Variants in STAG2 observed in about 807,000 individuals in gnomAD.
STAG2 encodes the protein cohesin subunit SA-2.
A neutral mutation model predicts 108.1 loss-of-function variants in STAG2; 14 were observed. That is an observed-to-expected ratio of 0.13 (90% CI 0.09 to 0.20). The LOEUF (loss-of-function observed/expected upper bound fraction) is 0.20. Ranked by LOEUF, STAG2 falls within the 10% of genes least tolerant of loss-of-function variation. STAG2 has a pLI of 1.00. For missense variants in STAG2, 440 were observed against 940.9 expected (o/e 0.47, Z 6.96); for synonymous variants, 307 against 302.7 (o/e 1.01, Z -0.15).
rs1182214513 is a variant in STAG2, at chrX:123,966,721, C to CT, written c.-163+4866dup. ...TGTAAGTGGTGTTGCTTAGTGGAGT[C>CT]TAATTTTTGTTGATGTGCCTTTTAA... On this transcript the variant is annotated intron_variant, in intron 1 of 34. Transcript: ENST00000371145. Among the ~76,000 whole-genome samples the CT allele has an allele frequency of 3.6e-5, 4 of 111,395 alleles. No homozygotes were observed. The South Asian group carries it at 1.5e-3, about 41-fold the overall frequency.
intron 34 of STAG2, among the ~76,000 whole-genome samples, chrX:124,096,308 A>C (rs2059377378): frequency 9.0e-6 from 1 of 111,012 alleles, no homozygotes; most frequent in Non-Finnish European, 1.9e-5. Context: ...TGCTCTAGCC[A>C]TATCAAATCT....
intron 1 of STAG2, among the ~76,000 whole-genome samples, chrX:124,009,352 G>T (rs188030894): frequency 9.2e-6 from 1 of 109,068 alleles, no homozygotes; most frequent in East Asian, 2.9e-4. Flanking sequence ...AGGGCAAAAT[G>T]TGAGAGTCCC....
At chrX:123,981,788 T>A (rs928721330) in intron 1 of STAG2, among the ~76,000 whole-genome samples, 1 of 111,532 alleles carries the variant, frequency 9.0e-6, no homozygotes, top group African/African-American at 3.3e-5. Context: ...TTCTTGCCCT[T>A]ATGGAATTTA....
At chrX:123,979,305 C>T (rs2054766539) in intron 1 of STAG2, among the ~76,000 whole-genome samples, 1 of 111,075 alleles carries the variant, frequency 9.0e-6, no homozygotes, top group African/African-American at 3.3e-5. Flanking sequence ...ATCAAACATA[C>T]ATTTACATGA....
rs75469644 is a variant in STAG2, at chrX:124,064,640, C to T, written c.2025+589C>T. Among the ~76,000 whole-genome samples the T allele has an allele frequency of 1.6e-3, 182 of 110,571 alleles. 1 individual carries two copies. In the East Asian group the frequency reaches 0.017, roughly 10 times the overall value. ...TGTATTTTTAGTAGAGATGGGGTTT[C>T]ACCACATTGGCCAGGCTGGTCTCGA... On this transcript the variant is annotated intron_variant, in intron 20 of 34. Transcript: ENST00000371145.
Position 124,028,816 on chromosome X carries a change from ATATATATTTT to A in STAG2, c.124-2143_124-2134del, listed in dbSNP as rs1289814850. Among the ~76,000 whole-genome samples, 81 of 81,726 alleles carry A rather than the reference ATATATATTTT, an allele frequency of 9.9e-4. 1 individual carries two copies. The highest frequency in any genetic ancestry group is 4.4e-3 in the African/African-American group (79 of 18,143). The allele number at this position is 81,726 out of a possible 115,157, so 71.0% of individuals were successfully genotyped here. A position where few individuals can be genotyped will look rare whatever the true frequency, so the allele number is the denominator to read the frequency against. ...AGTTTATATATATATATATATATAT[ATATATATTTT>A]TTTTTTTATAGAGATGGGGTCTCGC... On this transcript the variant is annotated intron_variant, in intron 4 of 34. Transcript: ENST00000371145.
intron 6 of STAG2, 117 bp downstream of exon 6, chrX:124,037,740 T>C: frequency 3.5e-6 from 1 of 283,010 alleles, no homozygotes; most frequent in Non-Finnish European, 6.1e-6. Context: ...ATTTGCATCA[T>C]ATCCATATAA....
At position 124,021,776 on chromosome X, in the gene STAG2, C is replaced by T. The variant is rs12688078; in HGVS notation, c.-98+345C>T. ...GGCTTTGGACTGTATGTTTCCAGGG[C>T]AGGAAAATCTGTTTTAAAGTTATAT... On this transcript the variant is annotated intron_variant, in intron 2 of 34. Transcript: ENST00000371145. 8.7e-3 allele frequency among the ~76,000 whole-genome samples: 966 copies of T among 110,994 alleles called. 19 individuals carry two copies. Among genetic ancestry groups the T allele is most frequent in the Admixed American group, 0.061 (625 of 10,309 alleles).
At chrX:124,018,498 A>G (rs2056811877) in intron 1 of STAG2, among the ~76,000 whole-genome samples, 1 of 110,433 alleles carries the variant, frequency 9.1e-6, no homozygotes, top group African/African-American at 3.3e-5. Context: ...AGACGGACGG[A>G]TGGATGGATA....
chrX:123,983,978 T>C (rs1264612319), intron 1 of STAG2, among the ~76,000 whole-genome samples: 1 of 64,770 alleles, frequency 1.5e-5, no homozygotes, highest in Non-Finnish European at 3.1e-5. Context: ...TCTTTTCTTT[T>C]TTTTTTTTTT....
chrX:124,088,913 C>CTTTT (rs374005762), intron 30 of STAG2, among the ~76,000 whole-genome samples: 1 of 78,114 alleles, frequency 1.3e-5, no homozygotes. Flanking sequence ...TGCGCCTGGC[C>CTTTT]TTTTTTTTTT....
At chrX:123,983,318 C>T (rs963856020) in intron 1 of STAG2, among the ~76,000 whole-genome samples, 3 of 108,384 alleles carry the variant, frequency 2.8e-5, no homozygotes. Context: ...ATTTGTGGTT[C>T]TCCTAGTTCA....
rs935736393 is a variant in STAG2, at chrX:124,100,840, C to T, written c.*243C>T. 23 of 256,311 alleles carry T rather than the reference C, an allele frequency of 9.0e-5. No individual in the cohort carries two copies. The highest frequency in any genetic ancestry group is 2.2e-4 in the South Asian group (1 of 4,508). The allele number at this position is 256,311 out of a possible 1,213,427, so 21.1% of individuals were successfully genotyped here. A position where few individuals can be genotyped will look rare whatever the true frequency, so the allele number is the denominator to read the frequency against. The stretch of plus-strand genomic sequence containing the variant: ...TTAGAAAGTAAATATTTTATTTATG[C>T]GCTGTTAGTTGGCTTTTGAATCGAT... On this transcript the variant is annotated 3_prime_UTR_variant, in exon 35 of 35. Transcript: ENST00000371145.
intron 6 of STAG2, among the ~76,000 whole-genome samples, chrX:124,039,097 G>A (rs1194042158): frequency 1.8e-5 from 2 of 108,287 alleles, no homozygotes; most frequent in Admixed American, 1.0e-4. Context: ...CAGAAATAAC[G>A]TAATGAGTTG....
At chrX:124,091,377 C>T (rs966115164) in intron 32 of STAG2, among the ~76,000 whole-genome samples, 2 of 111,441 alleles carry the variant, frequency 1.8e-5, no homozygotes, top group Non-Finnish European at 3.8e-5. Flanking sequence ...CTTCACCCCC[C>T]GCTCCATCAT....
intron 1 of STAG2, among the ~76,000 whole-genome samples, chrX:123,988,775 C>G (rs1428841372): frequency 9.0e-6 from 1 of 111,222 alleles, no homozygotes; most frequent in Non-Finnish European, 1.9e-5. Flanking sequence ...CATTTACATT[C>G]TGATTTTAAA....
chrX:124,017,349 A>G (rs1258772408), intron 1 of STAG2, among the ~76,000 whole-genome samples: 2 of 109,952 alleles, frequency 1.8e-5, no homozygotes, highest in South Asian at 7.9e-4. Flanking sequence ...AGCTGGGACT[A>G]TAGGTGCACA....
intron 13 of STAG2, among the ~76,000 whole-genome samples, chrX:124,053,339 G>T (rs1015794609): frequency 6.3e-5 from 7 of 111,428 alleles, no homozygotes. Flanking sequence ...TGCAACTAAG[G>T]GACATAAAAG....
At chrX:123,998,515 C>T (rs1422809905) in intron 1 of STAG2, among the ~76,000 whole-genome samples, 1 of 104,515 alleles carries the variant, frequency 9.6e-6, no homozygotes, top group Non-Finnish European at 1.9e-5. Flanking sequence ...ACAGTTATAT[C>T]GTTTTCCACA....
Sources: gnomAD v4.1 joint callset for allele counts (sites outside exome capture counted in the v4.1 genomes callset) on GRCh38, gnomAD v4.1.1 for gene constraint, MANE v1.5 for transcripts, NCBI Gene and HGNC (gene_info 2026-07-23, HGNC 2026-07-21) for gene names.